Variants in GARIN2 observed in about 807,000 individuals in gnomAD.
GARIN2 encodes the protein Golgi-associated RAB2 interactor protein 2.
the GARIN2 span, among the ~76,000 whole-genome samples, chr14:67,216,430 C>A: frequency 6.6e-6 from 1 of 151,648 alleles, no homozygotes. Flanking sequence ...TTTATTATTT[C>A]TTCTACTAAT....
the GARIN2 span, among the ~76,000 whole-genome samples, chr14:67,212,899 AG>A: frequency 0.077 from 11,607 of 151,090 alleles, 1,034 homozygotes; most frequent in African/African-American, 0.22. Flanking sequence ...ACAAGTGCCA[AG>A]ACATTCAAAG....
chr14:67,209,590 C>T, the GARIN2 span, among the ~76,000 whole-genome samples: 40 of 151,976 alleles, frequency 2.6e-4, no homozygotes, highest in African/African-American at 8.9e-4. Flanking sequence ...GAGGCTGAGG[C>T]GGGCAGATCA....
the GARIN2 span, chr14:67,204,765 C>CT: frequency 0.023 from 37,423 of 1,613,958 alleles, 593 homozygotes; most frequent in Middle Eastern, 0.033. Context: ...TTACGAATAG[C>CT]ACAGACATCA....
chr14:67,200,124 G>T, the GARIN2 span: 6 of 1,071,086 alleles, frequency 5.6e-6, no homozygotes, highest in African/African-American at 9.4e-5. Context: ...CCCCCCGAAG[G>T]CCTCCATTCT....
the GARIN2 span, among the ~76,000 whole-genome samples, chr14:67,225,926 A>AGT: frequency 0.045 from 6,086 of 136,584 alleles, 140 homozygotes; most frequent in Middle Eastern, 0.083. Flanking sequence ...TAATGCTGTG[A>AGT]GTGTGTGTGT....
At chr14:67,228,356 A>C in the GARIN2 span, 1 of 512,788 alleles carries the variant, frequency 2.0e-6, no homozygotes, top group African/African-American at 2.1e-5. Context: ...TATAGTTAAC[A>C]GTAATAACAC....
chr14:67,193,338 ATATC>A, the GARIN2 span, among the ~76,000 whole-genome samples: 136 of 138,062 alleles, frequency 9.9e-4, 1 homozygote, highest in Non-Finnish European at 1.4e-3. Context: ...CTCTATATAG[ATATC>A]TATCTATATA....
chr14:67,193,505 C>G, the GARIN2 span, among the ~76,000 whole-genome samples: 5 of 124,068 alleles, frequency 4.0e-5, no homozygotes, highest in African/African-American at 1.5e-4. Context: ...ATCTAGATAT[C>G]CATATATATA....
chr14:67,195,648 T>C, the GARIN2 span, among the ~76,000 whole-genome samples: 1 of 152,150 alleles, frequency 6.6e-6, no homozygotes, highest in Non-Finnish European at 1.5e-5. Context: ...GATATATTAT[T>C]ATTTTATGTG....
chr14:67,223,830 C>T, the GARIN2 span: 3 of 985,646 alleles, frequency 3.0e-6, no homozygotes, highest in Admixed American at 1.2e-4. Context: ...CACCTGTTCC[C>T]CTTCCATACA....
At chr14:67,224,556 G>A in the GARIN2 span, 36 of 204,860 alleles carry the variant, frequency 1.8e-4, no homozygotes, top group Non-Finnish European at 3.0e-4. Context: ...CACTGTGCCC[G>A]GCCCCATTTC....
chr14:67,222,604 T>C, the GARIN2 span, among the ~76,000 whole-genome samples: 1 of 152,142 alleles, frequency 6.6e-6, no homozygotes, highest in African/African-American at 2.4e-5. Flanking sequence ...TATTTGGCAG[T>C]GGGGAGTGAT....
the GARIN2 span, among the ~76,000 whole-genome samples, chr14:67,227,163 T>A: frequency 6.6e-6 from 1 of 152,072 alleles, no homozygotes; most frequent in South Asian, 2.1e-4. Flanking sequence ...TGCTCCCAGC[T>A]GGGCGTGGTG....
chr14:67,220,014 TG>T, the GARIN2 span, among the ~76,000 whole-genome samples: 1 of 152,222 alleles, frequency 6.6e-6, no homozygotes, highest in African/African-American at 2.4e-5. Flanking sequence ...TCACTACTGC[TG>T]TATTGCAGAG....
chr14:67,225,906 T>C, the GARIN2 span, among the ~76,000 whole-genome samples: 1 of 149,836 alleles, frequency 6.7e-6, no homozygotes, highest in Non-Finnish European at 1.5e-5. Flanking sequence ...TGTTGCCTCC[T>C]TCATAAAGCT....
the GARIN2 span, chr14:67,200,235 C>T: frequency 3.1e-6 from 3 of 975,378 alleles, no homozygotes; most frequent in East Asian, 2.8e-5. Context: ...ACAACCCACA[C>T]CCTATGGCTA....
At chr14:67,200,117 C>G in the GARIN2 span, 23 of 1,057,880 alleles carry the variant, frequency 2.2e-5, no homozygotes, top group East Asian at 7.3e-5. Context: ...GGCATGCCCC[C>G]CCGAAGGCCT....
At chr14:67,195,837 G>A in the GARIN2 span, among the ~76,000 whole-genome samples, 6 of 151,726 alleles carry the variant, frequency 4.0e-5, no homozygotes, top group Non-Finnish European at 8.8e-5. Context: ...TCCGCCTCCC[G>A]GGTTCAAGCA....
the GARIN2 span, among the ~76,000 whole-genome samples, chr14:67,205,826 C>T: frequency 6.6e-6 from 1 of 152,130 alleles, no homozygotes; most frequent in Non-Finnish European, 1.5e-5. Context: ...AATCTAATGG[C>T]AGGATGGATT....
Sources: gnomAD v4.1 joint callset for allele counts (sites outside exome capture counted in the v4.1 genomes callset) on GRCh38, gnomAD v4.1.1 for gene constraint, MANE v1.5 for transcripts, NCBI Gene and HGNC (gene_info 2026-07-23, HGNC 2026-07-21) for gene names.